The following PDE4D variants were observed in gnomAD, a reference collection of about 807,000 sequenced individuals.
The protein encoded by PDE4D is 3',5'-cyclic-AMP phosphodiesterase 4D.
A neutral mutation model predicts 87.4 loss-of-function variants in PDE4D; 24 were observed. That is an observed-to-expected ratio of 0.27 (90% CI 0.20 to 0.39). The LOEUF is 0.39. PDE4D is among the 10% of genes least tolerant of loss of function. PDE4D has a pLI of 1.00. For missense variants in PDE4D, 714 were observed against 1,041.0 expected, an observed-to-expected ratio of 0.69 and a Z score of 4.32; for synonymous variants, 384 against 383.2, an observed-to-expected ratio of 1.00 and a Z score of -0.02.
At chr5:59,305,673 G>A (rs1006128162) in intron 1 of PDE4D, among the ~76,000 whole-genome samples, 5 of 152,070 alleles carry the variant, frequency 3.3e-5, no homozygotes, top group African/African-American at 1.2e-4. Flanking sequence ...GCTCATTCAG[G>A]AGCAGGTTAT....
chr5:59,702,799 G>A (rs1335345833), intron 1 of PDE4D, among the ~76,000 whole-genome samples: 2 of 140,294 alleles, frequency 1.4e-5, no homozygotes, highest in South Asian at 2.2e-4. Flanking sequence ...AGCCAGGAGA[G>A]GTCAAGGTTG....
chr5:59,410,992 A>G (rs1261353001), intron 1 of PDE4D, among the ~76,000 whole-genome samples: 1 of 152,138 alleles, frequency 6.6e-6, no homozygotes, highest in Non-Finnish European at 1.5e-5. Context: ...TAGTATCCCC[A>G]GGTTAAGACT....
rs199809457 is a variant in PDE4D, at chr5:59,207,700, C to CA, written c.647+8076dup. Among the ~76,000 whole-genome samples, 723 of 151,172 alleles carry CA rather than the reference C, an allele frequency of 4.8e-3. 8 individuals are homozygous for CA. The highest frequency in any genetic ancestry group is 0.017 in the African/African-American group (680 of 40,716). ...GTTATTAAACTACCACTTCTCCCTG[C>CA]ATTTTTTTTTAAAGAAAGTAGATAT... On this transcript the variant is annotated intron_variant, in intron 2 of 14. Coordinates refer to ENST00000340635, the MANE Select transcript of PDE4D (RefSeq NM_001104631.2).
At chr5:59,057,682 A>C (rs1385749460) in intron 5 of PDE4D, among the ~76,000 whole-genome samples, 1 of 152,202 alleles carries the variant, frequency 6.6e-6, no homozygotes, top group Non-Finnish European at 1.5e-5. Context: ...TTATTTATCT[A>C]ATTAAACAAG....
intron 2 of PDE4D, among the ~76,000 whole-genome samples, chr5:60,119,519 C>T (rs542073467): frequency 6.6e-6 from 1 of 152,176 alleles, no homozygotes; most frequent in Non-Finnish European, 1.5e-5. Context: ...AAATGGTTGT[C>T]CTCTGGAATT....
At chr5:60,334,411 A>T (rs1335483341) in intron 1 of PDE4D, among the ~76,000 whole-genome samples, 1 of 152,170 alleles carries the variant, frequency 6.6e-6, no homozygotes, top group Non-Finnish European at 1.5e-5. Flanking sequence ...TGAGTAAGGG[A>T]ATAGAATAAT....
At chr5:60,063,095 GAAGAAAGAAAGAAAGAAAGAAAGAAAGA>G (rs34450673) in intron 2 of PDE4D, among the ~76,000 whole-genome samples, 16 of 97,220 alleles carry the variant, frequency 1.6e-4, no homozygotes, top group African/African-American at 5.5e-4. Context: ...AAGAAAGAAA[GAAGAAAGAAAGAAAGAAAGAAAGAAAGA>G]AAGAAAGAAA....
chr5:59,122,549 G>A (rs1373156437), intron 5 of PDE4D, among the ~76,000 whole-genome samples: 1 of 152,146 alleles, frequency 6.6e-6, no homozygotes, highest in Non-Finnish European at 1.5e-5. Flanking sequence ...AGGACACACA[G>A]GCATGATAAA....
intron 2 of PDE4D, chr5:60,160,796 T>C (rs1447958072): frequency 4.4e-6 from 2 of 453,462 alleles, no homozygotes; most frequent in Admixed American, 2.4e-5. Context: ...TGTCTTCCTC[T>C]CCACATCTCT....
chr5:59,899,510 A>AAT (rs752528687), intron 3 of PDE4D, among the ~76,000 whole-genome samples: 25 of 150,944 alleles, frequency 1.7e-4, no homozygotes, highest in East Asian at 9.7e-4. Context: ...TTAAGTGGTA[A>AAT]ATATATATAT....
At chr5:59,377,733 CTCA>C (rs1250782699) in intron 1 of PDE4D, among the ~76,000 whole-genome samples, 10 of 152,288 alleles carry the variant, frequency 6.6e-5, no homozygotes, top group Middle Eastern at 3.4e-3. Flanking sequence ...TTCAACATCA[CTCA>C]TCATTAGAGA....
rs181955899 is a variant in PDE4D, at chr5:59,350,297, G to A, written c.456-134329C>T. Reference sequence around the variant, plus strand: ...CCTTACTGAAAGCACTGAATTAGATGGCATATGTATTGAAGTGAGGGGTGG... The same window carrying A: ...CCTTACTGAAAGCACTGAATTAGATAGCATATGTATTGAAGTGAGGGGTGG... On this transcript the variant is annotated intron_variant, in intron 1 of 14. Transcript: ENST00000340635. Among the ~76,000 whole-genome samples the A allele has an allele frequency of 5.9e-5, 9 of 152,144 alleles. No individual in the cohort carries two copies. In the East Asian group the frequency reaches 1.2e-3, roughly 20 times the overall value.
chr5:60,085,599 T>C (rs1051891210), intron 2 of PDE4D, among the ~76,000 whole-genome samples: 4 of 152,208 alleles, frequency 2.6e-5, no homozygotes, highest in African/African-American at 9.6e-5. Flanking sequence ...TGCCTTCATG[T>C]AGATGTAGCT....
At position 59,547,041 on chromosome 5, in the gene PDE4D, T is replaced by G. The variant is rs1399214462; in HGVS notation, c.456-331073A>C. On this transcript the variant is annotated intron_variant, in intron 1 of 14. Transcript: ENST00000340635. The stretch of plus-strand genomic sequence containing the variant: ...TCATGCCAACCAAGCCACACCTTGA[T>G]TTTCTGACTGTGTTGCCTATGAGTT... Among the ~76,000 whole-genome samples the G allele has an allele frequency of 2.6e-5, 4 of 152,186 alleles. No homozygotes were observed. In the East Asian group the frequency reaches 7.7e-4, roughly 29 times the overall value.
In PDE4D at chr5:59,408,804, C is replaced by T. The variant is rs1287928762; in HGVS notation, c.456-192836G>A. ...AATGACTGTCCTGTTGTGTTTCAGACTTGGGTGGGGCCTGAAGTCATTTCT... is the reference window on the plus strand; with the variant it reads ...AATGACTGTCCTGTTGTGTTTCAGATTTGGGTGGGGCCTGAAGTCATTTCT... On this transcript the variant is annotated intron_variant, in intron 1 of 14. Coordinates refer to ENST00000340635, the MANE Select transcript of PDE4D (RefSeq NM_001104631.2). Among the ~76,000 whole-genome samples the T allele has an allele frequency of 6.6e-5, 10 of 152,110 alleles. No individual in the cohort carries two copies. The East Asian group carries it at 1.9e-3, about 29-fold the overall frequency.
At chr5:59,921,664 C>T (rs1409444038) in intron 3 of PDE4D, among the ~76,000 whole-genome samples, 1 of 152,148 alleles carries the variant, frequency 6.6e-6, no homozygotes, top group East Asian at 1.9e-4. Flanking sequence ...ATTCAAAGGA[C>T]ATCCAGAATT....
chr5:59,412,239 T>A (rs1445230280), intron 1 of PDE4D, among the ~76,000 whole-genome samples: 1 of 152,214 alleles, frequency 6.6e-6, no homozygotes, highest in Non-Finnish European at 1.5e-5. Flanking sequence ...GTTTTGTACT[T>A]TTATTTTTTT....
upstream of PDE4D, among the ~76,000 whole-genome samples, chr5:59,896,330 G>C (rs1006985530): frequency 6.6e-6 from 1 of 151,998 alleles, no homozygotes; most frequent in Non-Finnish European, 1.5e-5. Context: ...GCAGTTCCCA[G>C]TCTTGGCTGT....
chr5:59,514,326 C>A (rs575342486), intron 1 of PDE4D, among the ~76,000 whole-genome samples: 4 of 151,928 alleles, frequency 2.6e-5, no homozygotes, highest in Admixed American at 1.3e-4. Flanking sequence ...AGGATGGTCT[C>A]GATCTCCTGA....
Sources: gnomAD v4.1 joint callset for allele counts (sites outside exome capture counted in the v4.1 genomes callset) on GRCh38, gnomAD v4.1.1 for gene constraint, MANE v1.5 for transcripts, NCBI Gene and HGNC (gene_info 2026-07-23, HGNC 2026-07-21) for gene names.